The following CAMTA1 variants were observed in gnomAD, a reference collection of about 807,000 sequenced individuals.
The protein encoded by CAMTA1 is calmodulin-binding transcription activator 1.
CAMTA1 carries 27 observed loss-of-function variants against 170.9 expected under a neutral mutation model. The ratio of observed to expected loss-of-function variants is 0.16; its 90% CI spans 0.12 to 0.22. CAMTA1 has a LOEUF of 0.22. Among genes scored for constraint, CAMTA1 ranks in the 10% least tolerant of loss-of-function variants. The pLI, the probability that CAMTA1 is intolerant of heterozygous loss-of-function variation, is 1.00. For synonymous variants in CAMTA1, 833 were observed against 891.5 expected (o/e 0.93, Z 1.17); for missense variants, 1,619 against 2,217.2 (o/e 0.73, Z 5.42).
intron 6 of CAMTA1, among the ~76,000 whole-genome samples, chr1:7,481,940 C>T (rs780122322): frequency 6.6e-6 from 1 of 152,038 alleles, no homozygotes; most frequent in South Asian, 2.1e-4. Context: ...TTTGGAACAT[C>T]GCCATCACCC....
At chr1:6,881,605 C>A (rs1367802104) in intron 3 of CAMTA1, among the ~76,000 whole-genome samples, 1 of 152,118 alleles carries the variant, frequency 6.6e-6, no homozygotes. Flanking sequence ...TTGGCACGGT[C>A]TTTTGGTTTT....
intron 5 of CAMTA1, among the ~76,000 whole-genome samples, chr1:7,360,832 C>T (rs531036019): frequency 2.6e-5 from 4 of 152,194 alleles, no homozygotes; most frequent in African/African-American, 7.2e-5. Context: ...TTCTCCACGC[C>T]GGAGTTGCCT....
intron 5 of CAMTA1, among the ~76,000 whole-genome samples, chr1:7,349,636 G>A (rs1359305654): frequency 6.6e-6 from 1 of 152,190 alleles, no homozygotes; most frequent in Non-Finnish European, 1.5e-5. Context: ...TTCTCTCAGG[G>A]TCTTCCCTCT....
At chr1:7,465,667 G>T (rs1361813215) in intron 5 of CAMTA1, among the ~76,000 whole-genome samples, 1 of 152,198 alleles carries the variant, frequency 6.6e-6, no homozygotes, top group East Asian at 1.9e-4. Flanking sequence ...TGGGGCAGTT[G>T]TGGGTAGGCC....
At chr1:6,917,628 G>A (rs967265858) in intron 3 of CAMTA1, among the ~76,000 whole-genome samples, 1 of 152,112 alleles carries the variant, frequency 6.6e-6, no homozygotes, top group Admixed American at 6.5e-5. Context: ...CCATGACCCA[G>A]GAGGAGCAGA....
intron 22 of CAMTA1, among the ~76,000 whole-genome samples, chr1:7,757,680 G>A (rs1360196798): frequency 1.3e-5 from 2 of 152,058 alleles, no homozygotes; most frequent in East Asian, 1.9e-4. Context: ...AGGTTGCAGT[G>A]AGCCAAGATT....
chr1:6,814,461 T>G (rs924211343), intron 1 of CAMTA1, among the ~76,000 whole-genome samples: 6 of 152,146 alleles, frequency 3.9e-5, no homozygotes, highest in African/African-American at 1.4e-4. Flanking sequence ...CTTATCTGGC[T>G]TGATGCAGAG....
chr1:7,165,471 A>T (rs1234138824), intron 4 of CAMTA1, among the ~76,000 whole-genome samples: 1 of 151,986 alleles, frequency 6.6e-6, no homozygotes, highest in Non-Finnish European at 1.5e-5. Flanking sequence ...TCACTCTGTC[A>T]CCCAGGCTGG....
intron 6 of CAMTA1, among the ~76,000 whole-genome samples, chr1:7,507,240 C>G (rs1158628026): frequency 1.4e-5 from 2 of 140,492 alleles, no homozygotes; most frequent in African/African-American, 6.6e-5. Context: ...ACACAAAACT[C>G]ACGCTCACAT....
intron 6 of CAMTA1, among the ~76,000 whole-genome samples, chr1:7,558,355 C>A (rs1219973586): frequency 1.3e-5 from 2 of 152,216 alleles, no homozygotes; most frequent in Non-Finnish European, 2.9e-5. Flanking sequence ...GGGTTGAAGG[C>A]GGGGAGCATG....
At chr1:7,679,564 G>C (rs1425882520) in intron 11 of CAMTA1, among the ~76,000 whole-genome samples, 1 of 121,710 alleles carries the variant, frequency 8.2e-6, no homozygotes, top group African/African-American at 3.1e-5. Context: ...CTGGGCACCT[G>C]CTCCCTAGCT....
At chr1:7,627,418 A>G (rs929150954) in intron 6 of CAMTA1, among the ~76,000 whole-genome samples, 1 of 152,252 alleles carries the variant, frequency 6.6e-6, no homozygotes, top group African/African-American at 2.4e-5. Context: ...GTGTGAGATG[A>G]CATAACACTG....
At chr1:7,103,995 CAT>C (rs1354250734) in intron 4 of CAMTA1, among the ~76,000 whole-genome samples, 1 of 151,202 alleles carries the variant, frequency 6.6e-6, no homozygotes, top group Non-Finnish European at 1.5e-5. Flanking sequence ...CAAGTACACA[CAT>C]GAACACAACA....
chr1:7,278,820 A>G (rs1276863423), intron 5 of CAMTA1, among the ~76,000 whole-genome samples: 1 of 152,214 alleles, frequency 6.6e-6, no homozygotes. Flanking sequence ...AGGAGATACA[A>G]TTTAATCATC....
chr1:7,628,625 C>T (rs1462727816), intron 6 of CAMTA1, among the ~76,000 whole-genome samples: 1 of 152,260 alleles, frequency 6.6e-6, no homozygotes, highest in Non-Finnish European at 1.5e-5. Context: ...ACATCAGTCA[C>T]TCTAGAGATG....
chr1:6,854,426 A>G (rs1368027089), intron 3 of CAMTA1, among the ~76,000 whole-genome samples: 1 of 152,202 alleles, frequency 6.6e-6, no homozygotes, highest in Non-Finnish European at 1.5e-5. Context: ...GTGTAAGTAC[A>G]TTGTCATCTT....
chr1:7,202,247 A>AT (rs1267197490), intron 4 of CAMTA1, among the ~76,000 whole-genome samples: 1 of 152,212 alleles, frequency 6.6e-6, no homozygotes, highest in African/African-American at 2.4e-5. Flanking sequence ...ATTGATCTGT[A>AT]CGTCTCCTTT....
At chr1:7,231,869 T>C (rs999962853) in intron 4 of CAMTA1, among the ~76,000 whole-genome samples, 2 of 152,222 alleles carry the variant, frequency 1.3e-5, no homozygotes, top group Admixed American at 6.5e-5. Flanking sequence ...AGGCTTCTTA[T>C]AGTGCAAACA....
intron 6 of CAMTA1, among the ~76,000 whole-genome samples, chr1:7,525,699 A>G (rs2094423538): frequency 6.6e-6 from 1 of 152,100 alleles, no homozygotes; most frequent in South Asian, 2.1e-4. Flanking sequence ...TCCTCATCTG[A>G]ATATCTGTGA....
Sources: allele counts gnomAD v4.1 joint callset (sites outside exome capture counted in the v4.1 genomes callset), GRCh38; gene constraint gnomAD v4.1.1; transcripts MANE v1.5; gene names NCBI Gene and HGNC (gene_info 2026-07-23, HGNC 2026-07-21).